PRKAB2: variants seen among roughly 807,000 people sequenced by gnomAD.
PRKAB2 encodes 5'-AMP-activated protein kinase subunit beta-2.
Under a neutral mutation model 29.8 loss-of-function variants are expected in PRKAB2, and 18 were observed. The observed-to-expected ratio is 0.60, with a 90% CI of 0.42 to 0.89. The LOEUF is 0.89. Ranked by LOEUF, PRKAB2 falls within the 40% of genes least tolerant of loss-of-function variation. The pLI, the probability that PRKAB2 is intolerant of heterozygous loss-of-function variation, is 0.00. For missense variants in PRKAB2, 270 were observed against 344.3 expected (o/e 0.78, Z 1.71); for synonymous variants, 136 against 125.9 (o/e 1.08, Z -0.54).
chr1:147,172,031 C>T lies in PRKAB2; in HGVS notation c.114G>A (p.Gly38=), dbSNP rs782564822. 2.5e-6 allele frequency: 4 copies of T among 1,595,942 alleles called. No individual in the cohort carries two copies. The highest frequency in any genetic ancestry group is 3.4e-6 in the Non-Finnish European group (4 of 1,172,092). ...TGAACACGCTGGGGTCGTCCGTACT[C>T]CCCACCATGATCTTGTGCTCCTTCC... ...APGKEHKIMV[G]STDDPSVFSL... is the part of the protein sequence containing the mutation. The change falls in exon 2 of 8, where the codon GGG becomes GGA. Residue 38 remains glycine, a synonymous_variant. Transcript: ENST00000254101.
chr1:147,171,869 C>T, intron 2 of PRKAB2, 120 bp downstream of exon 2: 1 of 1,324,158 alleles, frequency 7.6e-7, no homozygotes, highest in Non-Finnish European at 1.0e-6. Context: ...CGATAAATCC[C>T]TTTAATTCAA....
chr1:147,165,991 G>T (rs1322037577), intron 5 of PRKAB2, among the ~76,000 whole-genome samples: 1 of 152,088 alleles, frequency 6.6e-6, no homozygotes, highest in East Asian at 1.9e-4. Flanking sequence ...GTAGAGATGG[G>T]TCTTGCCATA....
rs782119609 is a variant in PRKAB2, at chr1:147,172,018, G to A, written c.127C>T (p.Pro43Ser). 1.7e-5 allele frequency: 27 copies of A among 1,599,630 alleles called. No homozygotes were observed. Among genetic ancestry groups the A allele is most frequent in the Admixed American group, 5.1e-5 (3 of 58,618 alleles). The change falls in exon 2 of 8, where the codon CCC becomes TCC. Residue 43 changes from proline (P) to serine (S), a missense_variant. Transcript: ENST00000254101. ...GAGTCAGGGAGGCTGAACACGCTGG[G>A]GTCGTCCGTACTCCCCACCATGATC... The part of the protein sequence containing the change: ...HKIMVGSTDD[P>S]SVFSLPDSKL...
intron 2 of PRKAB2, among the ~76,000 whole-genome samples, chr1:147,171,736 T>C (rs587654771): frequency 6.6e-6 from 1 of 152,138 alleles, no homozygotes; most frequent in South Asian, 2.1e-4. Context: ...GGATGTCTAT[T>C]GTCCCCATCC....
In PRKAB2 at chr1:147,166,949, A is replaced by T. The variant is rs782027118; in HGVS notation, c.324-10T>A. ...AACAAAGTCATTATGGCTACAGAAG[A>T]AAAAAGAAAGGCAAACAGGCCAAGT... On this transcript the variant is annotated splice_polypyrimidine_tract_variant and intron_variant, in intron 3 of 7. Coordinates refer to ENST00000254101, the MANE Select transcript of PRKAB2 (RefSeq NM_005399.5). 1.9e-5 allele frequency: 31 copies of T among 1,610,190 alleles called. No individual in the cohort carries two copies. In the Admixed American group the frequency reaches 3.7e-4, roughly 19 times the overall value.
In PRKAB2 at chr1:147,159,381, C is replaced by T; in HGVS notation, c.*184G>A. The T allele has an allele frequency of 1.9e-6, 1 of 536,880 alleles. No homozygotes were observed. The highest frequency in any genetic ancestry group is 3.3e-6 in the Non-Finnish European group (1 of 301,782). The allele number at this position is 536,880 out of a possible 1,614,324, so 33.3% of individuals were successfully genotyped here. On this transcript the variant is annotated 3_prime_UTR_variant, in exon 8 of 8. Transcript: ENST00000254101. ...ATATTTTTTTTTCTTAAAATAAATT[C>T]CGTGAACTCATAAAGCTCTCATCTG...
chr1:147,166,836 A>C lies in PRKAB2; in HGVS notation c.417+10T>G, dbSNP rs781796265. 1.2e-6 allele frequency: 2 copies of C among 1,610,470 alleles called. No individual in the cohort carries two copies. Among genetic ancestry groups the C allele is most frequent in the Non-Finnish European group, 1.7e-6 (2 of 1,176,694 alleles). ...AAGTCAATGGTTACCCTTGGAGATCAAGGCCTTACCTCTGATGGATCATGA... is the reference window on the plus strand; with the variant it reads ...AAGTCAATGGTTACCCTTGGAGATCCAGGCCTTACCTCTGATGGATCATGA... On this transcript the variant is annotated intron_variant, in intron 4 of 7. Transcript: ENST00000254101.
At position 147,157,388 on chromosome 1, in the gene PRKAB2, ACT is replaced by A. The variant is rs587654574; in HGVS notation, c.*2175_*2176del. On this transcript the variant is annotated 3_prime_UTR_variant, in exon 8 of 8. Transcript: ENST00000254101. ...TTACCTCAGAACTTGGGAAACTGAC[ACT>A]CTCTGCACATTTCCAGAGAGAAAGA... 7.2e-5 allele frequency: 11 copies of A among 152,018 alleles called. No homozygotes were observed. The East Asian group carries it at 7.8e-4, about 11-fold the overall frequency. The allele number at this position is 152,018 out of a possible 1,614,324, so 9.4% of individuals were successfully genotyped here. A position where few individuals can be genotyped will look rare whatever the true frequency, so the allele number is the denominator to read the frequency against.
chr1:147,161,561 T>C (rs1653961710), intron 7 of PRKAB2, 151 bp downstream of exon 7: 1 of 651,092 alleles, frequency 1.5e-6, no homozygotes, highest in Non-Finnish European at 2.6e-6. Flanking sequence ...AACAACCTAG[T>C]AGTTAAAAAA....
chr1:147,166,293 G>A (rs1011901689), intron 5 of PRKAB2, among the ~76,000 whole-genome samples: 1 of 152,162 alleles, frequency 6.6e-6, no homozygotes, highest in Non-Finnish European at 1.5e-5. Flanking sequence ...ATTGTATCAT[G>A]AGACTTGTGT....
At chr1:147,168,347 C>T (rs1327980761) in intron 2 of PRKAB2, among the ~76,000 whole-genome samples, 1 of 152,050 alleles carries the variant, frequency 6.6e-6, no homozygotes, top group Non-Finnish European at 1.5e-5. Context: ...ATTAAGTCAG[C>T]CATATATTTT....
chr1:147,162,758 C>T (rs1553913235), intron 5 of PRKAB2, among the ~76,000 whole-genome samples, 185 bp from the exon 6 acceptor site: 1 of 152,102 alleles, frequency 6.6e-6, no homozygotes, highest in African/African-American at 2.4e-5. Context: ...GGACATAAAC[C>T]ATGAAGCTCC....
At chr1:147,167,628 T>C (rs1450067418) in intron 3 of PRKAB2, 139 bp downstream of exon 3, 19 of 992,150 alleles carry the variant, frequency 1.9e-5, no homozygotes, top group Middle Eastern at 6.7e-4. Flanking sequence ...CCCACAGATA[T>C]ACTAAGTGGC....
At chr1:147,172,296 C>T in intron 1 of PRKAB2, 129 bp from the exon 2 acceptor site, 1 of 1,074,168 alleles carries the variant, frequency 9.3e-7, no homozygotes, top group Non-Finnish European at 1.3e-6. Context: ...GCCCTGGAGC[C>T]CTCTCCCTCC....
Position 147,172,091 on chromosome 1 carries a change from A to ACAC in PRKAB2, c.53_54insGTG (p.Ala18_Ala19insCys). On this transcript the variant is annotated inframe_insertion, in exon 2 of 8. Transcript: ENST00000254101. ...GGCCGCCTGCGCCCTCGGAGCGTGC[A>ACAC]GCCTTGGCGCCGTGGCGCTCCCCGG... 6.4e-7 allele frequency: 1 copy of ACAC among 1,564,002 alleles called. No individual in the cohort carries two copies. Among genetic ancestry groups the ACAC allele is most frequent in the Non-Finnish European group, 8.7e-7 (1 of 1,155,196 alleles).
chr1:147,169,824 T>C (rs1325820728), intron 2 of PRKAB2, among the ~76,000 whole-genome samples: 1 of 152,206 alleles, frequency 6.6e-6, no homozygotes, highest in Non-Finnish European at 1.5e-5. Flanking sequence ...TAAAGAAATC[T>C]GAGGTGATTC....
chr1:147,171,046 C>T (rs1553914299), intron 2 of PRKAB2, among the ~76,000 whole-genome samples: 1 of 152,196 alleles, frequency 6.6e-6, no homozygotes, highest in Non-Finnish European at 1.5e-5. Flanking sequence ...TCCTCAAGCC[C>T]TCCATTTTTC....
At chr1:147,166,666 TCTCTTCCATCCAA>T (rs765285984) in intron 4 of PRKAB2, 48 bp from the exon 5 acceptor site, 35 of 1,602,934 alleles carry the variant, frequency 2.2e-5, no homozygotes, top group Non-Finnish European at 2.6e-5. Flanking sequence ...TTCAAATCCA[TCTCTTCCATCCAA>T]CCTTCCTCTT....
Position 147,172,101 on chromosome 1 carries a change from C to T in PRKAB2, c.44G>A (p.Gly15Asp). The T allele has an allele frequency of 6.4e-7, 1 of 1,558,128 alleles. No homozygotes were observed. The highest frequency in any genetic ancestry group is 8.7e-7 in the Non-Finnish European group (1 of 1,151,956). ...GCCCTCGGAGCGTGCAGCCTTGGCGCCGTGGCGCTCCCCGGACACCCGGTC... is the reference window on the plus strand; with the variant it reads ...GCCCTCGGAGCGTGCAGCCTTGGCGTCGTGGCGCTCCCCGGACACCCGGTC... ...TSDRVSGERH[G>D]AKAARSEGAG... The change falls in exon 2 of 8, where the codon GGC becomes GAC. Residue 15 changes from glycine (G) to aspartate (D), a missense_variant. Physicochemically the swap from Gly to Asp is moderately conservative, Grantham distance 94 (BLOSUM62 -1). This residue lies in a region of PRKAB2 where 228 missense variants were observed against 255.5 expected (regional missense o/e 0.89). Transcript: ENST00000254101.
Sources: gnomAD v4.1 joint callset for allele counts (sites outside exome capture counted in the v4.1 genomes callset) on GRCh38, gnomAD v4.1.1 for gene constraint, gnomAD v4.1.1 regional missense constraint, MANE v1.5 for transcripts, NCBI Gene and HGNC (gene_info 2026-07-23, HGNC 2026-07-21) for gene names.